The following SLC2A6 variants were observed in gnomAD, a reference collection of about 807,000 sequenced individuals.
SLC2A6 encodes the protein solute carrier family 2 member 6, also known as solute carrier family 2, facilitated glucose transporter member 6.
A neutral mutation model predicts 47.8 loss-of-function variants in SLC2A6; 39 were observed. That is an observed-to-expected ratio of 0.82 (90% CI 0.63 to 1.07). The LOEUF is 1.07. SLC2A6 is among the 50% of genes least tolerant of loss of function. The pLI is 0.00. For synonymous variants in SLC2A6, 346 were observed against 324.1 expected (o/e 1.07, Z -0.73); for missense variants, 650 against 707.6 (o/e 0.92, Z 0.92).
At position 133,472,188 on chromosome 9, in the gene SLC2A6, G is replaced by C. The variant is rs587628726; in HGVS notation, c.1369-12C>G. ...AGGCCGAAGGTGCTCTGCGGGTGAA[G>C]AGCGGGGCCGGGTCACAGGGAGAAG... On this transcript the variant is annotated splice_polypyrimidine_tract_variant and intron_variant, in intron 9 of 9. Transcript: ENST00000371899. 15 of 1,611,646 alleles carry C rather than the reference G, an allele frequency of 9.3e-6. No individual in the cohort carries two copies. In the East Asian group the frequency reaches 2.7e-4, roughly 29 times the overall value.
In SLC2A6 at chr9:133,475,541, G is replaced by A; in HGVS notation, c.633C>T (p.Leu211=). 6 of 1,610,434 alleles carry A rather than the reference G, an allele frequency of 3.7e-6. No homozygotes were observed. The highest frequency in any genetic ancestry group is 5.1e-6 in the Non-Finnish European group (6 of 1,179,682). ...AGCGCGGCGAGTTGGGCATGAAGCT[G>A]AGCAGCAGGATCATGATGAGCACAG... ...EAPVLIMILL[L]SFMPNSPRFL... Residue 211 remains leucine, a synonymous_variant, in exon 5 of 10, where the codon CTC becomes CTT. Coordinates refer to ENST00000371899, the MANE Select transcript of SLC2A6 (RefSeq NM_017585.4).
Position 133,473,234 on chromosome 9 carries a change from C to T in SLC2A6, c.1239G>A (p.Trp413Ter). The T allele has an allele frequency of 6.3e-7, 1 of 1,585,718 alleles. No individual in the cohort carries two copies. The highest frequency in any genetic ancestry group is 8.6e-7 in the Non-Finnish European group (1 of 1,167,058). ...MLFIMGYAVG[W>*]GPITWLLMSE... ...ACATGAGCAGCCAGGTGATGGGACC[C>T]CAGCCCACGGCGTAGCCTGCTCGGA... Residue 413 changes from tryptophan to a stop codon, truncating the protein, a stop_gained, in exon 9 of 10, where the codon TGG becomes TGA. Transcript: ENST00000371899. LOFTEE classifies it high-confidence loss of function.
rs782364536 is a variant in SLC2A6, at chr9:133,476,403, G to A, written c.463-67C>T. The stretch of plus-strand genomic sequence containing the variant: ...TGGTTCCTAGGCCCGGCCGAGATGG[G>A]AGAGTCAGCCCCTGTGAACCCCGGA... On this transcript the variant is annotated intron_variant, in intron 3 of 9. Transcript: ENST00000371899. 1.2e-5 allele frequency: 16 copies of A among 1,388,378 alleles called. No individual in the cohort carries two copies. The Middle Eastern group carries it at 5.3e-4, about 46-fold the overall frequency. 86.0% of individuals were successfully genotyped at this position (1,388,378 alleles called of 1,614,324 possible). A position where few individuals can be genotyped will look rare whatever the true frequency, so the allele number is the denominator to read the frequency against.
At position 133,471,753 on chromosome 9, in the gene SLC2A6, T is replaced by C. The variant is rs892147810; in HGVS notation, c.*268A>G. 23 of 413,212 alleles carry C rather than the reference T, an allele frequency of 5.6e-5. No individual in the cohort carries two copies. The highest frequency in any genetic ancestry group is 4.6e-4 in the African/African-American group (23 of 49,514). The allele number at this position is 413,212 out of a possible 1,614,324, so 25.6% of individuals were successfully genotyped here. On this transcript the variant is annotated 3_prime_UTR_variant, in exon 10 of 10. Transcript: ENST00000371899. ...GGCCTGAGGTCACCCAGCAGGGCCG[T>C]GTCCCTGGATGCAGGGTTGTATGCA...
Position 133,474,103 on chromosome 9 carries a change from C to A in SLC2A6, c.928-15G>T. ...TCCTTGGGGGGCTATCGGGGGGAGA[C>A]CACCAGGGCTGAGGGACCTGCCTGC... is the stretch of plus-strand genomic sequence containing the variant. On this transcript the variant is annotated splice_polypyrimidine_tract_variant and intron_variant, in intron 6 of 9. Transcript: ENST00000371899. The A allele has an allele frequency of 6.3e-7, 1 of 1,580,074 alleles. No homozygotes were observed. Among genetic ancestry groups the A allele is most frequent in the Non-Finnish European group, 8.6e-7 (1 of 1,164,492 alleles).
At chr9:133,478,877 G>T in intron 1 of SLC2A6, 91 bp downstream of exon 1, 1 of 1,192,602 alleles carries the variant, frequency 8.4e-7, no homozygotes, top group Non-Finnish European at 1.2e-6. Context: ...ACTAGGTCAG[G>T]GGAGGCCCAG....
chr9:133,476,913 G>A (rs587631210), intron 3 of SLC2A6, 122 bp downstream of exon 3: 588 of 1,140,688 alleles, frequency 5.2e-4, no homozygotes, highest in Non-Finnish European at 7.0e-4. Context: ...CTGGGCATCC[G>A]CAGGGAAGGC....
At position 133,473,719 on chromosome 9, in the gene SLC2A6, G is replaced by C. The variant is rs1554802394; in HGVS notation, c.1037-119C>G. On this transcript the variant is annotated intron_variant, in intron 7 of 9. Coordinates refer to ENST00000371899, the MANE Select transcript of SLC2A6 (RefSeq NM_017585.4). Reference sequence around the variant, plus strand: ...GGTCCAGCTCGTGTCTGGGACTAGAGACCCCCAGCAGGGCAGCAAGCTCTG... The same window carrying C: ...GGTCCAGCTCGTGTCTGGGACTAGACACCCCCAGCAGGGCAGCAAGCTCTG... The C allele has an allele frequency of 2.8e-6, 3 of 1,088,580 alleles. No homozygotes were observed. The African/African-American group carries it at 4.8e-5, about 17-fold the overall frequency. The allele number at this position is 1,088,580 out of a possible 1,614,324, so 67.4% of individuals were successfully genotyped here. A position where few individuals can be genotyped will look rare whatever the true frequency, so the allele number is the denominator to read the frequency against.
Position 133,479,098 on chromosome 9 carries a change from C to G in SLC2A6, c.-39G>C, listed in dbSNP as rs782467223. On this transcript the variant is annotated 5_prime_UTR_variant, in exon 1 of 10. Transcript: ENST00000371899. ...TCGGGGCGAGCGGAGGGCGCTCAGA[C>G]TGGAGCAGCCGCCCGGGGCCAGCAG... 1 of 1,523,098 alleles carries G rather than the reference C, an allele frequency of 6.6e-7. No individual in the cohort carries two copies. 94.3% of individuals were successfully genotyped at this position (1,523,098 alleles called of 1,614,324 possible).
Position 133,471,257 on chromosome 9 carries a change from A to G in SLC2A6, c.*764T>C, listed in dbSNP as rs1268628117. Reference sequence around the variant, plus strand: ...TGGCAGGGGGTGGGGACGGAGTTTCACTCTCGTTGCCCAGGCTGGAGTGCA... The same window carrying G: ...TGGCAGGGGGTGGGGACGGAGTTTCGCTCTCGTTGCCCAGGCTGGAGTGCA... On this transcript the variant is annotated 3_prime_UTR_variant, in exon 10 of 10. Transcript: ENST00000371899. 9.0e-6 allele frequency: 1 copy of G among 111,218 alleles called. No homozygotes were observed. The highest frequency in any genetic ancestry group is 3.5e-5 in the African/African-American group (1 of 28,780). 6.9% of individuals were successfully genotyped at this position (111,218 alleles called of 1,614,324 possible).
chr9:133,473,294 G>A lies in SLC2A6; in HGVS notation c.1223-44C>T, dbSNP rs1025285747. ...AGGTTCAGGCCCTGTGGGGTGACTG[G>A]AGGCGGCTGTGTCTGTCTCCGCTGA... On this transcript the variant is annotated intron_variant, in intron 8 of 9. Transcript: ENST00000371899. The A allele has an allele frequency of 2.6e-6, 4 of 1,548,564 alleles. No homozygotes were observed. In the Admixed American group the frequency reaches 6.0e-5, roughly 23 times the overall value.
In SLC2A6 at chr9:133,473,193, A is replaced by G. The variant is rs781849064; in HGVS notation, c.1280T>C (p.Leu427Pro). Residue 427 changes from leucine to proline, a missense_variant, in exon 9 of 10, where the codon CTG becomes CCG. Transcript: ENST00000371899. Reference protein sequence around the residue: ...TWLLMSEVLPLRARGVASGLC... With the variant: ...TWLLMSEVLPPRARGVASGLC... ...CCCTGAGGCCACGCCACGGGCACGC[A>G]GGGGCAGGACCTCAGACATGAGCAG... 1.2e-6 allele frequency: 2 copies of G among 1,606,290 alleles called. No individual in the cohort carries two copies. The highest frequency in any genetic ancestry group is 1.1e-5 in the South Asian group (1 of 89,892).
At position 133,472,094 on chromosome 9, in the gene SLC2A6, G is replaced by A. The variant is rs375926075; in HGVS notation, c.1451C>T (p.Pro484Leu). 1 of 1,613,384 alleles carries A rather than the reference G, an allele frequency of 6.2e-7. No individual in the cohort carries two copies. The highest frequency in any genetic ancestry group is 8.5e-7 in the Non-Finnish European group (1 of 1,179,910). The change falls in exon 10 of 10, where the codon CCC becomes CTC. Residue 484 changes from proline to leucine, a missense_variant. Coordinates refer to ENST00000371899, the MANE Select transcript of SLC2A6 (RefSeq NM_017585.4). ...VSLVFTGCCVPETKGRSLEQI... is the reference protein window; with the variant it reads ...VSLVFTGCCVLETKGRSLEQI... ...CTCCAGGGACCGTCCCTTGGTCTCG[G>A]GCACACAGCAGCCTGTGAACACCAG...
chr9:133,473,593 G>A lies in SLC2A6; in HGVS notation c.1044C>T (p.Ile348=), dbSNP rs1554802359. 1 of 1,531,956 alleles carries A rather than the reference G, an allele frequency of 6.5e-7. No homozygotes were observed. The highest frequency in any genetic ancestry group is 1.8e-4 in the Middle Eastern group (1 of 5,496). The allele number at this position is 1,531,956 out of a possible 1,614,324, so 94.9% of individuals were successfully genotyped here. The change falls in exon 8 of 10, where the codon ATC becomes ATT. Residue 348 remains isoleucine (I), a synonymous_variant. Coordinates refer to ENST00000371899, the MANE Select transcript of SLC2A6 (RefSeq NM_017585.4). The part of the protein sequence containing the change: ...RKVLLFVSAA[I]MFAANLTLGL... ...CCAGAGTCAGGTTGGCAGCAAACATGATGGCCGCTGTGGACAGACAGGTGG... is the reference window on the plus strand; with the variant it reads ...CCAGAGTCAGGTTGGCAGCAAACATAATGGCCGCTGTGGACAGACAGGTGG...
At chr9:133,475,347 A>C (rs1843900842) in intron 5 of SLC2A6, 53 bp downstream of exon 5, 13 of 1,520,858 alleles carry the variant, frequency 8.5e-6, no homozygotes, top group Non-Finnish European at 1.1e-5. Context: ...GGCCACACAC[A>C]GCTGAAGTGC....
chr9:133,475,323 G>T, intron 5 of SLC2A6, 77 bp downstream of exon 5: 2 of 1,461,858 alleles, frequency 1.4e-6, no homozygotes, highest in East Asian at 2.4e-5. Context: ...CTGTCTTCCA[G>T]GAAAAGCCTC....
Position 133,472,078 on chromosome 9 carries a change from C to T in SLC2A6, c.1467G>A (p.Arg489=). Residue 489 remains arginine (R), a synonymous_variant, in exon 10 of 10, where the codon CGG becomes CGA. Coordinates refer to ENST00000371899, the MANE Select transcript of SLC2A6 (RefSeq NM_017585.4). ...TGCCVPETKG[R]SLEQIESFFR... ...AGAAGGACTCGATCTGCTCCAGGGACCGTCCCTTGGTCTCGGGCACACAGC... is the reference window on the plus strand; with the variant it reads ...AGAAGGACTCGATCTGCTCCAGGGATCGTCCCTTGGTCTCGGGCACACAGC... The T allele has an allele frequency of 6.2e-7, 1 of 1,613,444 alleles. No homozygotes were observed. Among genetic ancestry groups the T allele is most frequent in the East Asian group, 2.2e-5 (1 of 44,866 alleles).
Position 133,475,533 on chromosome 9 carries a change from A to G in SLC2A6, c.641T>C (p.Met214Thr), listed in dbSNP as rs1843911654. 1 of 1,610,734 alleles carries G rather than the reference A, an allele frequency of 6.2e-7. No homozygotes were observed. Among genetic ancestry groups the G allele is most frequent in the South Asian group, 1.1e-5 (1 of 90,904 alleles). Reference protein sequence around the residue: ...VLIMILLLSFMPNSPRFLLSR... With the variant: ...VLIMILLLSFTPNSPRFLLSR... ...GAGCAGGAAGCGCGGCGAGTTGGGC[A>G]TGAAGCTGAGCAGCAGGATCATGAT... is the stretch of plus-strand genomic sequence containing the variant. The change falls in exon 5 of 10, where the codon ATG (methionine) becomes ACG (threonine). Residue 214 changes from methionine to threonine, a missense_variant. Met to Thr is a moderately conservative substitution (Grantham distance 81). Transcript: ENST00000371899.
At chr9:133,474,700 C>T (rs1843874055) in intron 6 of SLC2A6, among the ~76,000 whole-genome samples, 1 of 152,232 alleles carries the variant, frequency 6.6e-6, no homozygotes, top group Non-Finnish European at 1.5e-5. Flanking sequence ...CCGCCTTGGC[C>T]TCGTGTTGGG....
Sources: gnomAD v4.1 joint callset for allele counts (sites outside exome capture counted in the v4.1 genomes callset) on GRCh38, gnomAD v4.1.1 for gene constraint, MANE v1.5 for transcripts, NCBI Gene and HGNC (gene_info 2026-07-23, HGNC 2026-07-21) for gene names.